The following IMPDH1 variants were observed in gnomAD, a reference collection of about 807,000 sequenced individuals.
IMPDH1 encodes inosine-5'-monophosphate dehydrogenase 1.
A neutral mutation model predicts 73.5 loss-of-function variants in IMPDH1; 41 were observed. The observed-to-expected ratio is 0.56, with a 90% CI of 0.43 to 0.72. The LOEUF is 0.72. Among genes scored for constraint, IMPDH1 ranks in the 30% least tolerant of loss-of-function variants. IMPDH1 has a pLI of 0.00. For missense variants in IMPDH1, 645 were observed against 824.8 expected, an observed-to-expected ratio of 0.78 and a Z score of 2.67; for synonymous variants, 318 against 334.3, an observed-to-expected ratio of 0.95 and a Z score of 0.53.
rs1384131081 is a variant in IMPDH1 at position 128,400,066 on chromosome 7, G to A, written c.874+29C>T. 2.6e-6 allele frequency: 4 copies of A among 1,519,560 alleles called. No individual in the cohort carries two copies. The Admixed American group carries it at 6.7e-5, about 25-fold the overall frequency. The allele number at this position is 1,519,560 out of a possible 1,614,324, so 94.1% of individuals were successfully genotyped here. ...ACTGTGGACAGGGAGTCAGGCTGGG[G>A]GTTGAGTTTTCAACTAGCTCCCTGG... On this transcript the variant is annotated intron_variant, in intron 9 of 16. Transcript: ENST00000338791.
In IMPDH1 at chr7:128,392,529, G is replaced by C. The variant is rs1797606332; in HGVS notation, c.*478C>G. The C allele has an allele frequency of 5.8e-6, 1 of 171,488 alleles. No homozygotes were observed. Among genetic ancestry groups the C allele is most frequent in the Non-Finnish European group, 1.3e-5 (1 of 79,592 alleles). 10.6% of individuals were successfully genotyped at this position (171,488 alleles called of 1,614,324 possible). A position where few individuals can be genotyped will look rare whatever the true frequency, so the allele number is the denominator to read the frequency against. ...CAAGGGTAGCCCAGGGCCGGGGAAG[G>C]GGGCAGAGACCTCCCCTTGGCCTAG... On this transcript the variant is annotated 3_prime_UTR_variant, in exon 17 of 17. Transcript: ENST00000338791.
At chr7:128,402,163 T>C (rs964586561) in intron 5 of IMPDH1, among the ~76,000 whole-genome samples, 9 of 151,902 alleles carry the variant, frequency 5.9e-5, no homozygotes, top group African/African-American at 2.2e-4. Context: ...AGTACAGTAG[T>C]GCAATCCCGA....
rs1461102847 is a variant in IMPDH1 at position 128,395,137 on chromosome 7, A to G, written c.1399T>C (p.Ser467Pro). Residue 467 changes from serine to proline, a missense_variant, in exon 13 of 17, where the codon TCC (serine) becomes CCC (proline). Physicochemically the swap from Ser to Pro is moderately conservative, Grantham distance 74. Around this residue, in one of 2 missense-constraint regions of IMPDH1, gnomAD observed 459 missense variants for 638.2 expected, o/e 0.72. Transcript: ENST00000338791. ...HVVKALALGA[S>P]TVMMGSLLAA... Reference sequence around the variant, plus strand: ...CAGCACATTCTCCCCTCACCTGTGGAGGCTCCAAGGGCCAGGGCCTTGACC... The same window carrying G: ...CAGCACATTCTCCCCTCACCTGTGGGGGCTCCAAGGGCCAGGGCCTTGACC... 6.2e-7 allele frequency: 1 copy of G among 1,613,856 alleles called. No homozygotes were observed. The highest frequency in any genetic ancestry group is 8.5e-7 in the Non-Finnish European group (1 of 1,180,028).
chr7:128,394,291 G>GGACA lies in IMPDH1; in HGVS notation c.1761_1764dup (p.His589CysfsTer62). The GGACA allele has an allele frequency of 6.2e-7, 1 of 1,613,920 alleles. No individual in the cohort carries two copies. The highest frequency in any genetic ancestry group is 8.5e-7 in the Non-Finnish European group (1 of 1,179,850). On this transcript the variant is annotated frameshift_variant, in exon 16 of 17. Transcript: ENST00000338791. LOFTEE classifies it high-confidence loss of function. This position sits in a 1 kb window ranked among gnomAD's most constrained non-coding sequence, Gnocchi z 5.5. ...CACCACACTTACGAGTGCAGGCCATGGACACCACCCTCAATCTGGGCCGAC... is the reference window on the plus strand; with the variant it reads ...CACCACACTTACGAGTGCAGGCCATGGACAGACACCACCCTCAATCTGGGCCGAC...
Position 128,400,849 on chromosome 7 carries a change from C to T in IMPDH1, c.547G>A (p.Glu183Lys). The T allele has an allele frequency of 1.2e-6, 2 of 1,614,210 alleles. No homozygotes were observed. Among genetic ancestry groups the T allele is most frequent in the Non-Finnish European group, 1.7e-6 (2 of 1,180,020 alleles). The change falls in exon 7 of 17, where the codon GAG (glutamate) becomes AAG (lysine). Residue 183 changes from glutamate to lysine, a missense_variant. Around this residue, in one of 2 missense-constraint regions of IMPDH1, gnomAD observed 459 missense variants for 638.2 expected, o/e 0.72. Transcript: ENST00000338791. ...IGFIHHNCTPEFQANEVRKVK... is the reference protein window; with the variant it reads ...IGFIHHNCTPKFQANEVRKVK... ...TTCCGCACCTCGTTGGCCTGGAACT[C>T]TGGGGTGCAGTTGTGGTGAATGAAA...
chr7:128,398,125 T>G lies in IMPDH1; in HGVS notation c.1074+289A>C, dbSNP rs893827120. On this transcript the variant is annotated intron_variant, in intron 10 of 16. Coordinates refer to ENST00000338791, the MANE Select transcript of IMPDH1 (RefSeq NM_000883.4). The surrounding 1 kb of genome is among the most constrained non-coding windows in gnomAD (Gnocchi z 4.3). ...TTAACTTGTTTGTTTTCTTTCTTTG[T>G]ATCTCAGATGACACAAACCATTGTT... Among the ~76,000 whole-genome samples, 1 of 152,250 alleles carries G rather than the reference T, an allele frequency of 6.6e-6. No individual in the cohort carries two copies. The highest frequency in any genetic ancestry group is 2.4e-5 in the African/African-American group (1 of 41,464).
chr7:128,392,870 C>G lies in IMPDH1; in HGVS notation c.*137G>C, dbSNP rs72624973. ...AGGGGCAGCAGTCCCCTCAGGACCT[C>G]CCCTCCTCTCTGCCTGGAAAGGAGC... On this transcript the variant is annotated 3_prime_UTR_variant, in exon 17 of 17. Coordinates refer to ENST00000338791, the MANE Select transcript of IMPDH1 (RefSeq NM_000883.4). The G allele has an allele frequency of 4.6e-4, 384 of 837,850 alleles. 3 individuals are homozygous for G. Among genetic ancestry groups the G allele is most frequent in the Middle Eastern group, 3.4e-3 (10 of 2,918 alleles). The allele number at this position is 837,850 out of a possible 1,614,324, so 51.9% of individuals were successfully genotyped here.
chr7:128,409,869 C>CG lies in IMPDH1; in HGVS notation c.32_33insC (p.Gln11HisfsTer41). On this transcript the variant is annotated frameshift_variant, in exon 1 of 17. Coordinates refer to ENST00000338791, the MANE Select transcript of IMPDH1 (RefSeq NM_000883.4). LOFTEE classifies it high-confidence loss of function. ...CCGGAACAGCGGCGGCTCCGCCTCC[C>CG]TGCAGCGGTGGTGGAGTGAGTGGCC... 1.3e-6 allele frequency: 2 copies of CG among 1,486,816 alleles called. No homozygotes were observed. Among genetic ancestry groups the CG allele is most frequent in the Non-Finnish European group, 1.8e-6 (2 of 1,125,086 alleles). 92.1% of individuals were successfully genotyped at this position (1,486,816 alleles called of 1,614,324 possible).
At chr7:128,393,546 C>T (rs934159033) in intron 16 of IMPDH1, among the ~76,000 whole-genome samples, 1 of 152,140 alleles carries the variant, frequency 6.6e-6, no homozygotes, top group African/African-American at 2.4e-5. Context: ...TGGTTTCCTC[C>T]ATCATGGTGT....
rs1797946429 is a variant in IMPDH1 at position 128,396,764 on chromosome 7, G to A, written c.1166-69C>T. The A allele has an allele frequency of 8.7e-6, 12 of 1,387,178 alleles. No individual in the cohort carries two copies. The highest frequency in any genetic ancestry group is 1.2e-5 in the Non-Finnish European group (12 of 998,666). The allele number at this position is 1,387,178 out of a possible 1,614,324, so 85.9% of individuals were successfully genotyped here. A position where few individuals can be genotyped will look rare whatever the true frequency, so the allele number is the denominator to read the frequency against. On this transcript the variant is annotated intron_variant, in intron 11 of 16. Coordinates refer to ENST00000338791, the MANE Select transcript of IMPDH1 (RefSeq NM_000883.4). This position sits in a 1 kb window ranked among gnomAD's most constrained non-coding sequence, Gnocchi z 4.0. ...GCCCCTGCCTGCCCAACAGCCTCTT[G>A]GGACCCCAGTCTAGCACCCCCCAAC...
Position 128,396,866 on chromosome 7 carries a change from A to G in IMPDH1, c.1165+66T>C. On this transcript the variant is annotated intron_variant, in intron 11 of 16. Transcript: ENST00000338791. This position sits in a 1 kb window ranked among gnomAD's most constrained non-coding sequence, Gnocchi z 4.0. Reference sequence around the variant, plus strand: ...CCATACCATCACCTAGGGATGCTGAAGGACAGAAAAGGGTTACTCATTGGA... The same window carrying G: ...CCATACCATCACCTAGGGATGCTGAGGGACAGAAAAGGGTTACTCATTGGA... 1 of 1,279,114 alleles carries G rather than the reference A, an allele frequency of 7.8e-7. No individual in the cohort carries two copies. Among genetic ancestry groups the G allele is most frequent in the South Asian group, 1.2e-5 (1 of 84,138 alleles). 79.2% of individuals were successfully genotyped at this position (1,279,114 alleles called of 1,614,324 possible).
rs72624962 is a variant in IMPDH1 at position 128,396,918 on chromosome 7, G to A, written c.1165+14C>T. On this transcript the variant is annotated intron_variant, in intron 11 of 16. Transcript: ENST00000338791. This position sits in a 1 kb window ranked among gnomAD's most constrained non-coding sequence, Gnocchi z 4.0. ...GGGCAGGAGCAGGCGGGTGGGAGGC[G>A]ACCCCGCACTCACCGTTCCCCCCAA... 3.7e-5 allele frequency: 59 copies of A among 1,598,030 alleles called. No homozygotes were observed. In the Admixed American group the frequency reaches 4.2e-4, roughly 11 times the overall value.
rs1362863044 is a variant in IMPDH1 at position 128,401,128 on chromosome 7, G to A, written c.403-12C>T. ...GCTGAGGTCAGGTCCTGAGGATGGA[G>A]GCACAGCCCACGTAAAGAGTTTATC... On this transcript the variant is annotated splice_polypyrimidine_tract_variant and intron_variant, in intron 5 of 16. Coordinates refer to ENST00000338791, the MANE Select transcript of IMPDH1 (RefSeq NM_000883.4). 6.2e-7 allele frequency: 1 copy of A among 1,602,642 alleles called. No individual in the cohort carries two copies. The highest frequency in any genetic ancestry group is 1.7e-5 in the Admixed American group (1 of 60,012).
At chr7:128,402,263 C>T (rs1384763712) in intron 5 of IMPDH1, among the ~76,000 whole-genome samples, 1 of 152,178 alleles carries the variant, frequency 6.6e-6, no homozygotes, top group Non-Finnish European at 1.5e-5. Flanking sequence ...CCACAATGCC[C>T]AGCTAATTTT....
chr7:128,397,801 G>T (rs531906357), intron 10 of IMPDH1, among the ~76,000 whole-genome samples: 92 of 152,174 alleles, frequency 6.0e-4, no homozygotes, highest in African/African-American at 1.7e-3. Context: ...CTGCATACTG[G>T]TGAGAATTGG....
In IMPDH1 at chr7:128,405,780, C is replaced by T; in HGVS notation, c.340G>A (p.Gly114Ser). Residue 114 changes from glycine to serine, a missense_variant, in exon 4 of 17, where the codon GGC (glycine) becomes AGC (serine). By Grantham distance (56) the Gly-to-Ser change is moderately conservative. Transcript: ENST00000338791. ...CCCGGCGCTTACTTGTAGGTGAGGC[C>T]GTCGGCGCTGGCGAAGAGCTGCTGC... ...TAQQLFASAD[G>S]LTYNDFLILP... The T allele has an allele frequency of 1.3e-6, 2 of 1,538,532 alleles. No homozygotes were observed. Among genetic ancestry groups the T allele is most frequent in the Non-Finnish European group, 1.7e-6 (2 of 1,143,384 alleles).
chr7:128,406,972 C>T (rs1798819052), intron 3 of IMPDH1, among the ~76,000 whole-genome samples: 1 of 152,084 alleles, frequency 6.6e-6, no homozygotes, highest in Admixed American at 6.6e-5. Flanking sequence ...TACATGGGGG[C>T]AGTGACTGGG....
chr7:128,394,602 G>T lies in IMPDH1; in HGVS notation c.1551-3C>A, dbSNP rs766848468. 2 of 1,613,368 alleles carry T rather than the reference G, an allele frequency of 1.2e-6. No homozygotes were observed. Among genetic ancestry groups the T allele is most frequent in the Non-Finnish European group, 1.7e-6 (2 of 1,179,976 alleles). On this transcript the variant is annotated splice_region_variant and splice_polypyrimidine_tract_variant and intron_variant, in intron 14 of 16. Coordinates refer to ENST00000338791, the MANE Select transcript of IMPDH1 (RefSeq NM_000883.4). This position sits in a 1 kb window ranked among gnomAD's most constrained non-coding sequence, Gnocchi z 5.5. The stretch of plus-strand genomic sequence containing the variant: ...CGATCTTCACTTTATCCCCCTCGCT[G>T]CGTGGAGGGTGGAAGACTGAGCCCA...
Position 128,394,976 on chromosome 7 carries a change from G to A in IMPDH1, c.1463C>T (p.Ser488Leu), listed in dbSNP as rs1235107408. Residue 488 changes from serine (S) to leucine (L), a missense_variant, in exon 14 of 17, where the codon TCA (serine) becomes TTA (leucine). By Grantham distance (145) the Ser-to-Leu change is moderately radical (BLOSUM62 -2). Transcript: ENST00000338791. The surrounding 1 kb of genome is among the most constrained non-coding windows in gnomAD (Gnocchi z 5.5). The part of the protein sequence containing the change: ...TTEAPGEYFF[S>L]DGVRLKKYRG... ...GTACTTCTTGAGCCGCACCCCGTCT[G>A]AGAAGAAGTACTCGCCAGGGGCCTC... 3 of 1,613,902 alleles carry A rather than the reference G, an allele frequency of 1.9e-6. No individual in the cohort carries two copies. In the African/African-American group the frequency reaches 4.0e-5, roughly 22 times the overall value.
Sources: allele counts gnomAD v4.1 joint callset (sites outside exome capture counted in the v4.1 genomes callset), GRCh38; gene constraint gnomAD v4.1.1; regional missense constraint gnomAD v4.1.1; non-coding constraint Gnocchi (gnomAD v3.1); transcripts MANE v1.5; gene names NCBI Gene and HGNC (gene_info 2026-07-23, HGNC 2026-07-21).